Variants in VWA3B observed in about 807,000 individuals in gnomAD.
The protein encoded by VWA3B is von Willebrand factor A domain-containing protein 3B.
In VWA3B, 138 loss-of-function variants were observed where a neutral mutation model predicts 158.3. That is an observed-to-expected ratio of 0.87 (90% CI 0.76 to 1.00). The LOEUF is 1.00. Among genes scored for constraint, VWA3B ranks in the 50% least tolerant of loss-of-function variants. The pLI is 0.00. For synonymous variants in VWA3B, 596 were observed against 587.3 expected, an observed-to-expected ratio of 1.01 and a Z score of -0.21; for missense variants, 1,555 against 1,565.1, an observed-to-expected ratio of 0.99 and a Z score of 0.11.
At chr2:98,294,124 C>T (rs1465213679) in intron 23 of VWA3B, among the ~76,000 whole-genome samples, 1 of 147,526 alleles carries the variant, frequency 6.8e-6, no homozygotes, top group African/African-American at 2.5e-5. Context: ...GTGATGCTCA[C>T]CTGCCCTCAT....
Position 98,131,765 on chromosome 2 carries a change from G to A in VWA3B, c.873-2059G>A, listed in dbSNP as rs116528234. Among the ~76,000 whole-genome samples the A allele has an allele frequency of 9.6e-3, 1,458 of 152,218 alleles. 39 individuals carry two copies. Among genetic ancestry groups the A allele is most frequent in the African/African-American group, 0.034 (1,391 of 41,516 alleles). ...TCATTCCACGTCATAGAGAGAGCCC[G>A]GGAATATGAATTTTTCCCATCACTT... On this transcript the variant is annotated intron_variant, in intron 6 of 27. Coordinates refer to ENST00000477737, the MANE Select transcript of VWA3B (RefSeq NM_144992.5).
At chr2:98,248,897 TTTC>T (rs1686614280) in intron 19 of VWA3B, among the ~76,000 whole-genome samples, 1 of 136,076 alleles carries the variant, frequency 7.3e-6, no homozygotes, top group African/African-American at 2.5e-5. Flanking sequence ...CTTTCCTTTC[TTTC>T]TTCTTTCTTT....
At chr2:98,185,961 T>C (rs544235410) in intron 9 of VWA3B, among the ~76,000 whole-genome samples, 1 of 152,224 alleles carries the variant, frequency 6.6e-6, no homozygotes, top group African/African-American at 2.4e-5. Context: ...GTTGTATACG[T>C]TTCCTTTCTC....
At chr2:98,324,621 G>C in the VWA3B span, among the ~76,000 whole-genome samples, 1 of 152,224 alleles carries the variant, frequency 6.6e-6, no homozygotes, top group Non-Finnish European at 1.5e-5. Context: ...CAAGTCTTCT[G>C]AGGAATGTAA....
intron 12 of VWA3B, among the ~76,000 whole-genome samples, chr2:98,199,976 T>C (rs1682389854): frequency 6.6e-6 from 1 of 152,212 alleles, no homozygotes; most frequent in Non-Finnish European, 1.5e-5. Context: ...GTCAGTGATA[T>C]ATGAGAGTTA....
At chr2:98,268,328 A>G (rs1262345477) in intron 21 of VWA3B, among the ~76,000 whole-genome samples, 2 of 152,132 alleles carry the variant, frequency 1.3e-5, no homozygotes, top group African/African-American at 4.8e-5. Context: ...AGCACATCAA[A>G]AAGCTTATCC....
chr2:98,308,011 G>A (rs534235126), intron 26 of VWA3B, among the ~76,000 whole-genome samples: 1 of 152,254 alleles, frequency 6.6e-6, no homozygotes, highest in African/African-American at 2.4e-5. Context: ...GGCATTTGGA[G>A]GCTGAAGGGC....
chr2:98,237,776 T>C (rs1253944016), intron 19 of VWA3B, among the ~76,000 whole-genome samples: 1 of 152,154 alleles, frequency 6.6e-6, no homozygotes, highest in Non-Finnish European at 1.5e-5. Flanking sequence ...GGAAACAATA[T>C]CCTTAAAAGA....
chr2:98,299,188 C>A (rs888252581), intron 24 of VWA3B, among the ~76,000 whole-genome samples: 1 of 152,096 alleles, frequency 6.6e-6, no homozygotes, highest in Non-Finnish European at 1.5e-5. Flanking sequence ...CCCTGCCCCC[C>A]AGACCTTGGT....
intron 2 of VWA3B, among the ~76,000 whole-genome samples, chr2:98,113,401 A>G (rs766958738): frequency 3.3e-5 from 5 of 152,132 alleles, no homozygotes; most frequent in Non-Finnish European, 7.4e-5. Flanking sequence ...TGGGTTTCAC[A>G]TTCCACTGAT....
At position 98,162,905 on chromosome 2, in the gene VWA3B, G is replaced by A. The variant is rs770732419; in HGVS notation, c.1043G>A (p.Cys348Tyr). 2 of 1,614,012 alleles carry A rather than the reference G, an allele frequency of 1.2e-6. No homozygotes were observed. Among genetic ancestry groups the A allele is most frequent in the Admixed American group, 3.3e-5 (2 of 60,034 alleles). Residue 348 changes from cysteine (C) to tyrosine (Y), a missense_variant, in exon 8 of 28, where the codon TGC becomes TAC. By Grantham distance (194) the Cys-to-Tyr change is radical. Coordinates refer to ENST00000477737, the MANE Select transcript of VWA3B (RefSeq NM_144992.5). ...FLVWQEMEEA[C>Y]STLAQIQRLV... ...GTTTGGCAAGAGATGGAGGAAGCCT[G>A]CAGCACGCTGGCCCAGATCCAGAGG...
chr2:98,322,047 C>G, the VWA3B span, among the ~76,000 whole-genome samples: 1 of 152,202 alleles, frequency 6.6e-6, no homozygotes, highest in East Asian at 1.9e-4. Context: ...TTGCCTGCTT[C>G]CATGTAAGTC....
intron 9 of VWA3B, among the ~76,000 whole-genome samples, chr2:98,182,083 A>T (rs1680632484): frequency 6.6e-6 from 1 of 152,254 alleles, no homozygotes; most frequent in African/African-American, 2.4e-5. Flanking sequence ...TTCCAGGTAC[A>T]TGCTGTGAAG....
chr2:98,142,481 AAAAAGCC>A (rs1476864225), intron 7 of VWA3B, among the ~76,000 whole-genome samples: 5 of 152,186 alleles, frequency 3.3e-5, no homozygotes, highest in Non-Finnish European at 7.3e-5. Context: ...TTCAGGCTTA[AAAAAGCC>A]TGAATGTCTT....
At chr2:98,226,395 A>AC (rs760674801) in intron 14 of VWA3B, among the ~76,000 whole-genome samples, 13 of 152,214 alleles carry the variant, frequency 8.5e-5, no homozygotes, top group Non-Finnish European at 1.5e-4. Context: ...CCCAACCTAA[A>AC]CCTCATACCT....
At chr2:98,243,474 C>G (rs925223785) in intron 19 of VWA3B, among the ~76,000 whole-genome samples, 2 of 152,034 alleles carry the variant, frequency 1.3e-5, no homozygotes, top group African/African-American at 4.8e-5. Context: ...GCTGTGATTA[C>G]AGGCACGCAC....
chr2:98,278,341 A>G (rs1688656340), intron 22 of VWA3B, among the ~76,000 whole-genome samples: 1 of 152,004 alleles, frequency 6.6e-6, no homozygotes, highest in African/African-American at 2.4e-5. Flanking sequence ...AGTACCCACA[A>G]CCCCTGGAGC....
At chr2:98,176,785 C>T (rs1250578698) in intron 8 of VWA3B, among the ~76,000 whole-genome samples, 1 of 152,200 alleles carries the variant, frequency 6.6e-6, no homozygotes, top group Non-Finnish European at 1.5e-5. Flanking sequence ...ATCAAGAATC[C>T]TTTGAAACTT....
intron 14 of VWA3B, among the ~76,000 whole-genome samples, chr2:98,226,181 C>T (rs986982170): frequency 6.6e-6 from 1 of 152,132 alleles, no homozygotes; most frequent in African/African-American, 2.4e-5. Context: ...AGTATTAAGG[C>T]TTACTATGTA....
Sources: gnomAD v4.1 joint callset for allele counts (sites outside exome capture counted in the v4.1 genomes callset) on GRCh38, gnomAD v4.1.1 for gene constraint, MANE v1.5 for transcripts, NCBI Gene and HGNC (gene_info 2026-07-23, HGNC 2026-07-21) for gene names.